PHACTR1: variants seen among roughly 807,000 people sequenced by gnomAD.
PHACTR1 encodes the protein RPEL repeat containing 1.
In PHACTR1, 16 loss-of-function variants were observed where a neutral mutation model predicts 69.2. That is an observed-to-expected ratio of 0.23 (90% confidence interval 0.16 to 0.35). The LOEUF (loss-of-function observed/expected upper bound fraction) is 0.35, where lower values mean the gene tolerates loss of function less well. Among genes scored for constraint, PHACTR1 ranks in the 10% least tolerant of loss-of-function variants. The probability of loss-of-function intolerance (pLI) is 1.00; values close to 1 mark genes in which losing one functional copy is unlikely to be tolerated. For synonymous variants in PHACTR1, 312 were observed against 284.5 expected, an observed-to-expected ratio of 1.10 and a Z score of -0.97; for missense variants, 510 against 734.7, an observed-to-expected ratio of 0.69 and a Z score of 3.54.
intron 4 of PHACTR1, among the ~76,000 whole-genome samples, chr6:13,038,668 C>T (rs753185453): frequency 6.6e-6 from 1 of 152,116 alleles, no homozygotes; most frequent in Non-Finnish European, 1.5e-5. Flanking sequence ...TACTTCTTTG[C>T]ATTAGGATTA....
intron 4 of PHACTR1, chr6:12,957,655 C>T (rs1792065431): frequency 1.0e-6 from 1 of 985,524 alleles, no homozygotes; most frequent in South Asian, 4.7e-5. Context: ...GTTCTGGGCT[C>T]TGAGTGAGGC....
At chr6:12,928,405 C>A (rs1788506450) in intron 4 of PHACTR1, among the ~76,000 whole-genome samples, 1 of 152,238 alleles carries the variant, frequency 6.6e-6, no homozygotes. Flanking sequence ...TTGAAATTAA[C>A]CCCTAGGGTT....
At chr6:12,733,502 C>T (rs1763836304) in intron 3 of PHACTR1, among the ~76,000 whole-genome samples, 1 of 152,164 alleles carries the variant, frequency 6.6e-6, no homozygotes, top group Non-Finnish European at 1.5e-5. Flanking sequence ...TCTGGCTTCA[C>T]AGCTTTCCCC....
At chr6:12,723,148 G>A (rs766872772) in intron 3 of PHACTR1, among the ~76,000 whole-genome samples, 1 of 152,114 alleles carries the variant, frequency 6.6e-6, no homozygotes, top group Non-Finnish European at 1.5e-5. Context: ...CTCTTCCTAA[G>A]CCAAGAGAAA....
At chr6:13,000,199 T>C (rs1797905983) in intron 4 of PHACTR1, among the ~76,000 whole-genome samples, 1 of 152,150 alleles carries the variant, frequency 6.6e-6, no homozygotes, top group Non-Finnish European at 1.5e-5. Flanking sequence ...CATGGTGTTG[T>C]TGAGGAACTG....
intron 4 of PHACTR1, among the ~76,000 whole-genome samples, chr6:12,874,427 T>C (rs1782344243): frequency 6.6e-6 from 1 of 152,208 alleles, no homozygotes; most frequent in Non-Finnish European, 1.5e-5. Flanking sequence ...AGTTTAGTTT[T>C]TTAGAACAGC....
At chr6:12,738,385 T>A (rs999708094) in intron 3 of PHACTR1, among the ~76,000 whole-genome samples, 1 of 152,188 alleles carries the variant, frequency 6.6e-6, no homozygotes, top group African/African-American at 2.4e-5. Context: ...TTGAAACTAG[T>A]AAGTGTATGG....
chr6:13,241,033 A>C (rs1772764745), intron 10 of PHACTR1, among the ~76,000 whole-genome samples: 1 of 152,218 alleles, frequency 6.6e-6, no homozygotes. Flanking sequence ...TGGCAAACCC[A>C]CTGGAAAAAA....
At chr6:12,839,051 A>G (rs1377708690) in intron 4 of PHACTR1, among the ~76,000 whole-genome samples, 1 of 152,224 alleles carries the variant, frequency 6.6e-6, no homozygotes, top group South Asian at 2.1e-4. Flanking sequence ...CCTGGAAGAA[A>G]GGAACTGTTA....
intron 4 of PHACTR1, among the ~76,000 whole-genome samples, chr6:12,953,890 T>C (rs1791572678): frequency 6.6e-6 from 1 of 152,218 alleles, no homozygotes. Context: ...AATTCATAGG[T>C]AAATGACACA....
chr6:12,822,567 T>C (rs1278555377), intron 4 of PHACTR1, among the ~76,000 whole-genome samples: 1 of 152,114 alleles, frequency 6.6e-6, no homozygotes, highest in Non-Finnish European at 1.5e-5. Context: ...ACTAATATGT[T>C]CCTCGCCCCA....
intron 4 of PHACTR1, among the ~76,000 whole-genome samples, chr6:12,868,001 T>C (rs1781630823): frequency 1.3e-5 from 2 of 152,196 alleles, no homozygotes; most frequent in South Asian, 4.1e-4. Flanking sequence ...GGCTCATGCC[T>C]GTAATCTCAG....
chr6:12,832,121 A>G (rs2127729691), intron 4 of PHACTR1, among the ~76,000 whole-genome samples: 1 of 152,220 alleles, frequency 6.6e-6, no homozygotes, highest in Admixed American at 6.5e-5. Context: ...AAAATTATGA[A>G]AAGTAGACAT....
intron 4 of PHACTR1, among the ~76,000 whole-genome samples, chr6:13,047,377 C>CAAAAAA (rs35293642): frequency 1.8e-5 from 1 of 54,786 alleles, no homozygotes. Context: ...AACCCTGTCT[C>CAAAAAA]AAAAAAAAAA....
At chr6:12,958,213 G>A (rs139994737) in intron 4 of PHACTR1, among the ~76,000 whole-genome samples, 57 of 152,298 alleles carry the variant, frequency 3.7e-4, no homozygotes, top group Admixed American at 1.2e-3. Context: ...TGGAGCCCAC[G>A]GTGTTAGTGT....
intron 4 of PHACTR1, among the ~76,000 whole-genome samples, chr6:12,812,003 A>C (rs532701168): frequency 6.6e-6 from 1 of 152,130 alleles, no homozygotes; most frequent in East Asian, 1.9e-4. Flanking sequence ...TTTATGAGGC[A>C]AATGCACATA....
At chr6:12,986,507 A>ATT (rs1014856381) in intron 4 of PHACTR1, among the ~76,000 whole-genome samples, 5 of 152,190 alleles carry the variant, frequency 3.3e-5, no homozygotes, top group African/African-American at 1.2e-4. Context: ...AAGCCATACT[A>ATT]ATGCTCTTGC....
chr6:12,809,890 C>A (rs1022548794), intron 4 of PHACTR1, among the ~76,000 whole-genome samples: 85 of 152,132 alleles, frequency 5.6e-4, no homozygotes, highest in African/African-American at 2.0e-3. Flanking sequence ...ATGGCTAAAA[C>A]AATAAATACA....
Position 13,100,612 on chromosome 6 carries a change from A to G in PHACTR1, c.415+47083A>G, listed in dbSNP as rs377189866. Among the ~76,000 whole-genome samples, 39 of 152,254 alleles carry G rather than the reference A, an allele frequency of 2.6e-4. No homozygotes were observed. The South Asian group carries it at 7.9e-3, about 31-fold the overall frequency. The stretch of plus-strand genomic sequence containing the variant: ...CCATCTCTTGGCTTCTTAAATTCCC[A>G]AATTGTAAGCTAGCTGGATGGTTGT... On this transcript the variant is annotated intron_variant, in intron 5 of 14. Coordinates refer to ENST00000332995, the MANE Select transcript of PHACTR1 (RefSeq NM_030948.6).
Sources: gnomAD v4.1 joint callset for allele counts (sites outside exome capture counted in the v4.1 genomes callset) on GRCh38, gnomAD v4.1.1 for gene constraint, MANE v1.5 for transcripts, NCBI Gene and HGNC (gene_info 2026-07-23, HGNC 2026-07-21) for gene names.